KAT2B: variants seen among roughly 807,000 people sequenced by gnomAD.
KAT2B encodes the protein lysine acetyltransferase 2B, also known as histone acetyltransferase KAT2B.
KAT2B carries 36 observed loss-of-function variants against 105.9 expected under a neutral mutation model. That is an observed-to-expected ratio of 0.34 (90% CI 0.26 to 0.45). The LOEUF (loss-of-function observed/expected upper bound fraction) is 0.45, where lower values mean the gene tolerates loss of function less well. Among genes scored for constraint, KAT2B ranks in the 20% least tolerant of loss-of-function variants. The pLI is 1.00. For missense variants in KAT2B, 820 were observed against 1,021.6 expected (o/e 0.80, Z 2.69); for synonymous variants, 397 against 377.9 (o/e 1.05, Z -0.59).
chr3:20,060,376 C>T (rs780215258), intron 1 of KAT2B, among the ~76,000 whole-genome samples: 5 of 151,612 alleles, frequency 3.3e-5, no homozygotes, highest in Non-Finnish European at 5.9e-5. Flanking sequence ...CCAAGGCGGG[C>T]GGATCACCTG....
At chr3:20,105,741 G>A (rs1165632915) in intron 5 of KAT2B, among the ~76,000 whole-genome samples, 1 of 149,330 alleles carries the variant, frequency 6.7e-6, no homozygotes, top group African/African-American at 2.5e-5. Context: ...AGGCTGCTTG[G>A]AGCTGTCCAT....
intron 7 of KAT2B, 84 bp from the exon 8 acceptor site, chr3:20,119,514 G>T: frequency 7.0e-7 from 1 of 1,435,658 alleles, no homozygotes; most frequent in Non-Finnish European, 9.7e-7. Context: ...GGCAGGAGTG[G>T]GGTGGTCCCA....
At chr3:20,064,824 G>C (rs979397330) in intron 1 of KAT2B, among the ~76,000 whole-genome samples, 6 of 152,164 alleles carry the variant, frequency 3.9e-5, no homozygotes, top group African/African-American at 1.2e-4. Flanking sequence ...CTTGCTGTGG[G>C]ACATCCTTGA....
At chr3:20,140,736 C>T (rs1308444300) in intron 13 of KAT2B, among the ~76,000 whole-genome samples, 3 of 152,146 alleles carry the variant, frequency 2.0e-5, no homozygotes, top group Non-Finnish European at 4.4e-5. Flanking sequence ...AAGTGATCCA[C>T]CTGCCTCGGC....
chr3:20,075,750 A>T (rs557033504), intron 2 of KAT2B, among the ~76,000 whole-genome samples: 1 of 152,036 alleles, frequency 6.6e-6, no homozygotes, highest in Admixed American at 6.5e-5. Flanking sequence ...ACGACCCCCC[A>T]GGCACCTCCA....
chr3:20,108,873 T>C (rs1020346157), intron 5 of KAT2B, among the ~76,000 whole-genome samples: 4 of 152,340 alleles, frequency 2.6e-5, no homozygotes, highest in East Asian at 1.9e-4. Flanking sequence ...TGTACATTCT[T>C]TCTGAGAGTC....
chr3:20,150,727 A>G (rs1196048952), intron 17 of KAT2B, among the ~76,000 whole-genome samples: 1 of 152,218 alleles, frequency 6.6e-6, no homozygotes, highest in African/African-American at 2.4e-5. Context: ...GGTTATAGTT[A>G]TTCAGAAAAG....
In KAT2B at chr3:20,085,956, CCT is replaced by C. The variant is rs1698606449; in HGVS notation, c.431-9302_431-9301del. On this transcript the variant is annotated intron_variant, in intron 2 of 17. Transcript: ENST00000263754. ...GTCAGACAGATTATAAAGATTAATT[CCT>C]CTCTTCTTACCTTTTAAAAATGCTG... Among the ~76,000 whole-genome samples the C allele has an allele frequency of 2.6e-5, 4 of 152,032 alleles. No homozygotes were observed. In the South Asian group the frequency reaches 8.3e-4, roughly 32 times the overall value.
chr3:20,044,310 G>A (rs1473398963), intron 1 of KAT2B, among the ~76,000 whole-genome samples: 2 of 151,880 alleles, frequency 1.3e-5, no homozygotes, highest in East Asian at 3.9e-4. Flanking sequence ...GTGAGACTTC[G>A]TCTCTACAAA....
At chr3:20,069,049 C>A (rs1158916547) in intron 1 of KAT2B, among the ~76,000 whole-genome samples, 1 of 152,108 alleles carries the variant, frequency 6.6e-6, no homozygotes, top group African/African-American at 2.4e-5. Flanking sequence ...TTTCCCTTTA[C>A]CATTTTAGGT....
intron 2 of KAT2B, among the ~76,000 whole-genome samples, chr3:20,093,641 C>A (rs952262380): frequency 6.6e-6 from 1 of 152,102 alleles, no homozygotes; most frequent in Non-Finnish European, 1.5e-5. Context: ...TCCTCAATAG[C>A]CTTTAGTTTC....
chr3:20,135,684 A>G (rs1298264258), intron 11 of KAT2B, among the ~76,000 whole-genome samples: 12 of 151,908 alleles, frequency 7.9e-5, no homozygotes, highest in Admixed American at 7.9e-4. Context: ...CAAAGTGATT[A>G]GTTTGATAAG....
chr3:20,066,965 C>T (rs1698233120), intron 1 of KAT2B, among the ~76,000 whole-genome samples: 1 of 152,080 alleles, frequency 6.6e-6, no homozygotes, highest in Non-Finnish European at 1.5e-5. Context: ...TTTAAAGACT[C>T]CGTATTCGCT....
intron 16 of KAT2B, 22 bp downstream of exon 16, chr3:20,148,328 C>T (rs573015996): frequency 2.5e-6 from 4 of 1,611,418 alleles, no homozygotes; most frequent in Admixed American, 1.7e-5. Context: ...CTTTATTCAC[C>T]TCATGCAAAT....
At position 20,151,405 on chromosome 3, in the gene KAT2B, CATACTT is replaced by C. The variant is rs967094561; in HGVS notation, c.2306-923_2306-918del. ...TTCTTTCCCCCTGGAAATTTTATAA[CATACTT>C]ATAATTTGGGATATTGGTAGTCAGA... On this transcript the variant is annotated intron_variant, in intron 17 of 17. Transcript: ENST00000263754. Among the ~76,000 whole-genome samples, 185 of 151,562 alleles carry C rather than the reference CATACTT, an allele frequency of 1.2e-3. 2 individuals are homozygous for C. The highest frequency in any genetic ancestry group is 4.4e-3 in the African/African-American group (182 of 41,406).
intron 7 of KAT2B, among the ~76,000 whole-genome samples, chr3:20,119,315 G>T (rs896280223): frequency 6.9e-6 from 1 of 144,320 alleles, no homozygotes. Context: ...CCATAACTCC[G>T]TCCTTATTTC....
chr3:20,048,627 A>G (rs1697857464), intron 1 of KAT2B, among the ~76,000 whole-genome samples: 1 of 152,210 alleles, frequency 6.6e-6, no homozygotes, highest in Admixed American at 6.5e-5. Context: ...TACTCCGTGT[A>G]GTGCCAATAA....
At chr3:20,062,203 T>C (rs1316302252) in intron 1 of KAT2B, among the ~76,000 whole-genome samples, 8 of 41,030 alleles carry the variant, frequency 1.9e-4, no homozygotes, top group African/African-American at 7.7e-4. Context: ...ATATATATTT[T>C]ATATAAAATA....
intron 1 of KAT2B, among the ~76,000 whole-genome samples, chr3:20,060,490 A>G (rs966224264): frequency 1.3e-5 from 2 of 152,208 alleles, no homozygotes; most frequent in African/African-American, 4.8e-5. Context: ...AATCCCAGCT[A>G]CTGGGGAGGC....
Sources: gnomAD v4.1 joint callset for allele counts (sites outside exome capture counted in the v4.1 genomes callset) on GRCh38, gnomAD v4.1.1 for gene constraint, MANE v1.5 for transcripts, NCBI Gene and HGNC (gene_info 2026-07-23, HGNC 2026-07-21) for gene names.